The following SLC1A1 variants were observed in gnomAD, a reference collection of about 807,000 sequenced individuals.
The protein encoded by SLC1A1 is excitatory amino acid transporter 3.
In SLC1A1, 43 loss-of-function variants were observed where a neutral mutation model predicts 53.3. That is an observed-to-expected ratio of 0.81 (90% CI 0.63 to 1.04). The LOEUF is 1.04. Ranked by LOEUF, SLC1A1 falls within the 50% of genes least tolerant of loss-of-function variation. SLC1A1 has a pLI of 0.00. For synonymous variants in SLC1A1, 307 were observed against 243.2 expected (o/e 1.26, Z -2.44); for missense variants, 748 against 664.9 (o/e 1.12, Z -1.37).
intron 1 of SLC1A1, among the ~76,000 whole-genome samples, chr9:4,509,949 T>A (rs1337692126): frequency 6.6e-6 from 1 of 152,190 alleles, no homozygotes; most frequent in Non-Finnish European, 1.5e-5. Context: ...TTCTCTTGCC[T>A]CGGCCTTCCA....
intron 2 of SLC1A1, among the ~76,000 whole-genome samples, chr9:4,546,075 G>T (rs72691965): frequency 6.6e-6 from 1 of 152,094 alleles, no homozygotes; most frequent in Non-Finnish European, 1.5e-5. Flanking sequence ...GGGAGGGTGG[G>T]GGTCAGGATC....
rs370378540 is a variant in SLC1A1 at position 4,580,651 on chromosome 9, G to GTGTGTGTGTGTGTATGTGTGTGTGTGTA, written c.1194-2386_1194-2385insGTGTGTGTGTGTATGTGTGTGTGTGTAT. 3.7e-4 allele frequency among the ~76,000 whole-genome samples: 44 copies of GTGTGTGTGTGTGTATGTGTGTGTGTGTA among 118,832 alleles called. 3 individuals carry two copies. The highest frequency in any genetic ancestry group is 1.3e-3 in the African/African-American group (40 of 30,114). The allele number at this position is 118,832 out of a possible 152,430, so 78.0% of individuals were successfully genotyped here. On this transcript the variant is annotated intron_variant, in intron 10 of 11. Transcript: ENST00000262352. ...TGTGTGTGTGTGTGTGTGTGTGTGTGTATAAGGAATAAAGAAGAAAGACAA... is the reference window on the plus strand; with the variant it reads ...TGTGTGTGTGTGTGTGTGTGTGTGTGTGTGTGTGTGTGTATGTGTGTGTGTGTATATAAGGAATAAAGAAGAAAGACAA...
At chr9:4,526,814 T>C (rs924132971) in intron 1 of SLC1A1, among the ~76,000 whole-genome samples, 1 of 151,608 alleles carries the variant, frequency 6.6e-6, no homozygotes, top group African/African-American at 2.4e-5. Flanking sequence ...AGTAGGCAGT[T>C]CTGAGACGGC....
At chr9:4,522,711 G>C (rs1465856404) in intron 1 of SLC1A1, among the ~76,000 whole-genome samples, 2 of 152,322 alleles carry the variant, frequency 1.3e-5, no homozygotes, top group East Asian at 1.9e-4. Context: ...CAGCAGGAGA[G>C]AGAGTGTGAG....
intron 3 of SLC1A1, among the ~76,000 whole-genome samples, chr9:4,562,182 C>G (rs1234987265): frequency 6.6e-6 from 1 of 151,308 alleles, no homozygotes; most frequent in Non-Finnish European, 1.5e-5. Flanking sequence ...AATGATTCTC[C>G]TGCCTCAGCC....
At position 4,547,442 on chromosome 9, in the gene SLC1A1, G is replaced by C. The variant is rs144331708; in HGVS notation, c.232+2735G>C. Among the ~76,000 whole-genome samples the C allele has an allele frequency of 3.0e-3, 454 of 152,284 alleles. 4 individuals are homozygous for C. Among genetic ancestry groups the C allele is most frequent in the African/African-American group, 9.7e-3 (405 of 41,542 alleles). The stretch of plus-strand genomic sequence containing the variant: ...AGCAATGAAATAGTCAAAGATTCAA[G>C]GGATATGAACAAAGCAGGGTGGGGA... On this transcript the variant is annotated intron_variant, in intron 2 of 11. Coordinates refer to ENST00000262352, the MANE Select transcript of SLC1A1 (RefSeq NM_004170.6).
Position 4,549,927 on chromosome 9 carries a change from A to C in SLC1A1, c.232+5220A>C, listed in dbSNP as rs1000919227. On this transcript the variant is annotated intron_variant, in intron 2 of 11. Coordinates refer to ENST00000262352, the MANE Select transcript of SLC1A1 (RefSeq NM_004170.6). The surrounding 1 kb of genome is among the most constrained non-coding windows in gnomAD (Gnocchi z 4.1). ...TTGCTCATTCCTAACCCTTCCTGTGATGTCGCAGCTCTGGATTTCCTAAAA... is the reference window on the plus strand; with the variant it reads ...TTGCTCATTCCTAACCCTTCCTGTGCTGTCGCAGCTCTGGATTTCCTAAAA... 5.3e-5 allele frequency among the ~76,000 whole-genome samples: 8 copies of C among 152,110 alleles called. No homozygotes were observed. The highest frequency in any genetic ancestry group is 4.4e-5 in the Non-Finnish European group (3 of 68,018).
At chr9:4,555,192 A>C (rs1363947733) in intron 2 of SLC1A1, among the ~76,000 whole-genome samples, 1 of 152,258 alleles carries the variant, frequency 6.6e-6, no homozygotes. Context: ...TGACAGAGAC[A>C]GGAGTCATCC....
chr9:4,541,053 A>T (rs1027056199), intron 1 of SLC1A1, among the ~76,000 whole-genome samples: 14 of 152,174 alleles, frequency 9.2e-5, no homozygotes, highest in Non-Finnish European at 1.6e-4. Flanking sequence ...GGTGGGAAGG[A>T]AGCGCAAGAA....
chr9:4,547,801 C>G (rs564503016), intron 2 of SLC1A1, among the ~76,000 whole-genome samples: 1 of 150,450 alleles, frequency 6.6e-6, no homozygotes, highest in East Asian at 1.9e-4. Flanking sequence ...ACAAATTTAT[C>G]TTTTATACTA....
intron 6 of SLC1A1, among the ~76,000 whole-genome samples, chr9:4,570,143 C>T (rs527537873): frequency 1.3e-5 from 2 of 152,180 alleles, no homozygotes; most frequent in Non-Finnish European, 2.9e-5. Context: ...ACCTTGAAAC[C>T]CACATTCATG....
intron 1 of SLC1A1, among the ~76,000 whole-genome samples, chr9:4,533,800 T>G (rs559872459): frequency 3.3e-5 from 5 of 152,246 alleles, no homozygotes; most frequent in East Asian, 1.9e-4. Context: ...ATTGACCACT[T>G]AGTTGGAAGT....
intron 4 of SLC1A1, 128 bp from the exon 5 acceptor site, chr9:4,565,919 G>T (rs186056053): frequency 3.8e-6 from 3 of 785,736 alleles, no homozygotes; most frequent in Admixed American, 3.5e-5. Context: ...GAAGTATTAC[G>T]CAAAGCAGGG....
Position 4,583,882 on chromosome 9 carries a change from T to TCACACACACACA in SLC1A1, c.1328+729_1328+740dup, listed in dbSNP as rs113177004. Among the ~76,000 whole-genome samples the TCACACACACACA allele has an allele frequency of 4.4e-5, 6 of 137,046 alleles. No individual in the cohort carries two copies. The highest frequency in any genetic ancestry group is 1.7e-4 in the African/African-American group (6 of 35,358). The allele number at this position is 137,046 out of a possible 152,430, so 89.9% of individuals were successfully genotyped here. ...CTCTCTCTCTCTCTCTCTCTCTCTC[T>TCACACACACACA]CACACACACACACACACACACACAC... On this transcript the variant is annotated intron_variant, in intron 11 of 11. Transcript: ENST00000262352. The surrounding 1 kb of genome is among the most constrained non-coding windows in gnomAD (Gnocchi z 4.6).
intron 1 of SLC1A1, among the ~76,000 whole-genome samples, chr9:4,521,157 T>C (rs2130831088): frequency 6.6e-6 from 1 of 152,362 alleles, no homozygotes; most frequent in Middle Eastern, 3.4e-3. Flanking sequence ...ATTCTTTATG[T>C]ATTCTAGACC....
chr9:4,570,189 TG>T (rs1429295851), intron 6 of SLC1A1, among the ~76,000 whole-genome samples: 1 of 152,206 alleles, frequency 6.6e-6, no homozygotes, highest in Non-Finnish European at 1.5e-5. Context: ...TCTCATAGTT[TG>T]GGCGCACAAT....
At chr9:4,551,555 T>A (rs536634611) in intron 2 of SLC1A1, among the ~76,000 whole-genome samples, 1 of 152,240 alleles carries the variant, frequency 6.6e-6, no homozygotes, top group African/African-American at 2.4e-5. Context: ...TAAACATAGG[T>A]GGCTAAGAGC....
At chr9:4,579,809 C>A (rs1820888748) in intron 10 of SLC1A1, among the ~76,000 whole-genome samples, 1 of 152,104 alleles carries the variant, frequency 6.6e-6, no homozygotes, top group South Asian at 2.1e-4. Flanking sequence ...AACATAGGTA[C>A]CATCTACCCA....
rs138561685 is a variant in SLC1A1, at chr9:4,522,706, G to A, written c.92-21861G>A. 2.7e-3 allele frequency among the ~76,000 whole-genome samples: 418 copies of A among 152,272 alleles called. 1 individual carries two copies. The highest frequency in any genetic ancestry group is 4.7e-3 in the Non-Finnish European group (318 of 68,008). The stretch of plus-strand genomic sequence containing the variant: ...CAGGCACCTTCTTCACAAGGCAGCA[G>A]GAGAGAGAGTGTGAGCGTGTGAAGG... On this transcript the variant is annotated intron_variant, in intron 1 of 11. Transcript: ENST00000262352.
Sources: allele counts gnomAD v4.1 joint callset (sites outside exome capture counted in the v4.1 genomes callset), GRCh38; gene constraint gnomAD v4.1.1; non-coding constraint Gnocchi (gnomAD v3.1); transcripts MANE v1.5; gene names NCBI Gene and HGNC (gene_info 2026-07-23, HGNC 2026-07-21).